SDK1: variants seen among roughly 807,000 people sequenced by gnomAD.
The protein encoded by SDK1 is sidekick cell adhesion molecule 1.
A neutral mutation model predicts 245.5 loss-of-function variants in SDK1; 157 were observed. The observed-to-expected ratio is 0.64, with a 90% CI of 0.56 to 0.73. SDK1 has a LOEUF of 0.73. SDK1 is among the 30% of genes least tolerant of loss of function. SDK1 has a pLI of 0.00. For synonymous variants in SDK1, 1,647 were observed against 1,278.5 expected (o/e 1.29, Z -6.15); for missense variants, 3,583 against 3,002.3 (o/e 1.19, Z -4.52).
Position 3,975,717 on chromosome 7 carries a change from G to A in SDK1, c.1994+1172G>A, listed in dbSNP as rs114407575. On this transcript the variant is annotated intron_variant, in intron 13 of 44. Coordinates refer to ENST00000404826, the MANE Select transcript of SDK1 (RefSeq NM_152744.4). ...CAGTCAGTCCGGAAGGCCCTGTGGT[G>A]TCATCAGTACCTGAAAAACATCCCA... 4.9e-3 allele frequency among the ~76,000 whole-genome samples: 739 copies of A among 152,358 alleles called. 7 individuals are homozygous for A. Among genetic ancestry groups the A allele is most frequent in the African/African-American group, 0.017 (702 of 41,588 alleles).
intron 14 of SDK1, among the ~76,000 whole-genome samples, chr7:4,006,262 A>C (rs1418643980): frequency 6.6e-6 from 1 of 152,198 alleles, no homozygotes; most frequent in African/African-American, 2.4e-5. Flanking sequence ...CGGCCTTACC[A>C]CTAAGAAAAC....
chr7:3,535,752 C>T lies in SDK1; in HGVS notation c.299-83328C>T, dbSNP rs184178038. ...CAGCGTGGTTGAAAATACATAAATA[C>T]ATGTAGTTAAAACACCACCCCCACT... On this transcript the variant is annotated intron_variant, in intron 1 of 44. Transcript: ENST00000404826. 3.1e-3 allele frequency among the ~76,000 whole-genome samples: 475 copies of T among 152,152 alleles called. 1 individual carries two copies. Among genetic ancestry groups the T allele is most frequent in the African/African-American group, 0.011 (459 of 41,520 alleles).
chr7:4,184,800 A>T (rs367565775), intron 35 of SDK1, among the ~76,000 whole-genome samples: 1 of 152,226 alleles, frequency 6.6e-6, no homozygotes, highest in Non-Finnish European at 1.5e-5. Flanking sequence ...TAACTCCTGC[A>T]CTGGAAGAGT....
chr7:3,715,535 C>A (rs1265871421), intron 4 of SDK1, among the ~76,000 whole-genome samples: 1 of 152,054 alleles, frequency 6.6e-6, no homozygotes, highest in Admixed American at 6.5e-5. Context: ...CCACAGGAGG[C>A]AATAGCAGGG....
intron 1 of SDK1, among the ~76,000 whole-genome samples, chr7:3,376,798 TA>T (rs145450654): frequency 5.3e-5 from 8 of 151,868 alleles, no homozygotes; most frequent in South Asian, 4.2e-4. Context: ...TGTATACTGT[TA>T]AAAAAAAATC....
At chr7:3,696,510 A>T (rs1359704416) in intron 4 of SDK1, among the ~76,000 whole-genome samples, 1 of 151,728 alleles carries the variant, frequency 6.6e-6, no homozygotes, top group African/African-American at 2.4e-5. Flanking sequence ...GGATTTGGTG[A>T]TGGTGCTCTG....
At chr7:3,681,310 T>C (rs773490743) in intron 4 of SDK1, among the ~76,000 whole-genome samples, 12 of 152,126 alleles carry the variant, frequency 7.9e-5, no homozygotes, top group African/African-American at 1.2e-4. Flanking sequence ...AGCATTCGTT[T>C]TCATTGCTGT....
chr7:4,101,308 G>A (rs534683495), intron 22 of SDK1, among the ~76,000 whole-genome samples: 17 of 152,146 alleles, frequency 1.1e-4, no homozygotes, highest in Admixed American at 3.3e-4. Context: ...CACCACGCCC[G>A]GCTAATTTTT....
chr7:3,395,607 G>GA (rs1781876968), intron 1 of SDK1, among the ~76,000 whole-genome samples: 1 of 151,938 alleles, frequency 6.6e-6, no homozygotes, highest in Non-Finnish European at 1.5e-5. Flanking sequence ...ATTCCCCAGT[G>GA]AAGGAATCTG....
chr7:4,025,446 G>T (rs1787266955), intron 17 of SDK1, among the ~76,000 whole-genome samples: 1 of 152,186 alleles, frequency 6.6e-6, no homozygotes, highest in Admixed American at 6.5e-5. Context: ...ATCTGTATCG[G>T]TGCAGATCAC....
chr7:3,480,477 G>A (rs1043240247), intron 1 of SDK1, among the ~76,000 whole-genome samples: 58 of 152,072 alleles, frequency 3.8e-4, no homozygotes, highest in African/African-American at 1.4e-3. Context: ...CCTGCCTCGT[G>A]CACATACGCT....
intron 4 of SDK1, among the ~76,000 whole-genome samples, chr7:3,785,415 C>G (rs1447737202): frequency 1.3e-5 from 2 of 152,108 alleles, no homozygotes; most frequent in Non-Finnish European, 2.9e-5. Flanking sequence ...AATTATTCCA[C>G]ATTTTATTAA....
chr7:3,928,746 G>T (rs373151174), intron 5 of SDK1, among the ~76,000 whole-genome samples: 9 of 152,298 alleles, frequency 5.9e-5, no homozygotes, highest in African/African-American at 9.6e-5. Context: ...TACCTCACAT[G>T]CATTCTCACT....
intron 4 of SDK1, among the ~76,000 whole-genome samples, chr7:3,666,971 T>G (rs1439916333): frequency 6.6e-6 from 1 of 152,170 alleles, no homozygotes; most frequent in East Asian, 1.9e-4. Flanking sequence ...ATTTACTTTT[T>G]TTTTAAGGAC....
At chr7:3,344,857 G>C (rs536628421) in intron 1 of SDK1, among the ~76,000 whole-genome samples, 63 of 152,320 alleles carry the variant, frequency 4.1e-4, no homozygotes, top group African/African-American at 1.4e-3. Flanking sequence ...AGCCTTTGTA[G>C]TTAATGACAT....
intron 4 of SDK1, among the ~76,000 whole-genome samples, chr7:3,656,750 T>A (rs1016338385): frequency 6.6e-6 from 1 of 150,718 alleles, no homozygotes; most frequent in Admixed American, 6.6e-5. Flanking sequence ...TTTTTTTTTT[T>A]TTTTTTTTGA....
rs1478639936 is a variant in SDK1 at position 3,301,760 on chromosome 7, C to T, written c.174C>T (p.Ser58=). Residue 58 remains serine, a synonymous_variant, in exon 1 of 45, where the codon TCC becomes TCT. Coordinates refer to ENST00000404826, the MANE Select transcript of SDK1 (RefSeq NM_152744.4). The part of the protein sequence containing the change: ...PSRPRAAPET[S]GGDTAGAGRC... ...GACCCCGGGCGGCGCCCGAGACCTC[C>T]GGCGGGGACACGGCGGGCGCGGGGC... 2 of 985,832 alleles carry T rather than the reference C, an allele frequency of 2.0e-6. No homozygotes were observed. The highest frequency in any genetic ancestry group is 4.5e-5 in the South Asian group (1 of 21,992). 61.1% of individuals were successfully genotyped at this position (985,832 alleles called of 1,614,324 possible). A position where few individuals can be genotyped will look rare whatever the true frequency, so the allele number is the denominator to read the frequency against.
At chr7:4,021,702 C>G (rs1786910444) in intron 17 of SDK1, among the ~76,000 whole-genome samples, 1 of 152,190 alleles carries the variant, frequency 6.6e-6, no homozygotes, top group East Asian at 1.9e-4. Flanking sequence ...CTTTAAGGAA[C>G]TTTCTTAGAA....
intron 1 of SDK1, among the ~76,000 whole-genome samples, chr7:3,312,412 A>G (rs1357882390): frequency 1.3e-5 from 2 of 152,160 alleles, no homozygotes; most frequent in African/African-American, 2.4e-5. Flanking sequence ...ATTCCAGGAG[A>G]TTGAGATGAT....
Sources: gnomAD v4.1 joint callset for allele counts (sites outside exome capture counted in the v4.1 genomes callset) on GRCh38, gnomAD v4.1.1 for gene constraint, MANE v1.5 for transcripts, NCBI Gene and HGNC (gene_info 2026-07-23, HGNC 2026-07-21) for gene names.